The following CCDC171 variants were observed in gnomAD, a reference collection of about 807,000 sequenced individuals.
CCDC171 encodes coiled-coil domain-containing protein 171.
Under a neutral mutation model 168.2 loss-of-function variants are expected in CCDC171, and 177 were observed. The observed-to-expected ratio is 1.05, with a 90% CI of 0.93 to 1.19. The LOEUF is 1.19. Ranked by LOEUF, CCDC171 falls within the 50% of genes most tolerant of loss-of-function variation. CCDC171 has a pLI of 0.00. For synonymous variants in CCDC171, 687 were observed against 540.8 expected (o/e 1.27, Z -3.75); for missense variants, 1,991 against 1,539.0 (o/e 1.29, Z -4.91).
chr9:16,034,556 T>C (rs78070636), intron 6 of CCDC171, among the ~76,000 whole-genome samples: 107 of 152,274 alleles, frequency 7.0e-4, no homozygotes, highest in African/African-American at 2.4e-3. Context: ...AGGTCATTAC[T>C]GTAATTAGAT....
Position 15,838,671 on chromosome 9 carries a change from A to G in CCDC171, c.3268-8031A>G, listed in dbSNP as rs550572982. Among the ~76,000 whole-genome samples the G allele has an allele frequency of 1.2e-3, 181 of 152,308 alleles. No individual in the cohort carries two copies. The Middle Eastern group carries it at 0.017, about 14-fold the overall frequency. ...GGTCTTGAACTCCTGGCCTCAAGCAATCTGCCCACCTCAGCCGCCCAAAGT... is the reference window on the plus strand; with the variant it reads ...GGTCTTGAACTCCTGGCCTCAAGCAGTCTGCCCACCTCAGCCGCCCAAAGT... On this transcript the variant is annotated intron_variant, in intron 21 of 25. Transcript: ENST00000380701.
At chr9:15,806,782 G>A (rs979030143) in intron 21 of CCDC171, among the ~76,000 whole-genome samples, 8 of 152,180 alleles carry the variant, frequency 5.3e-5, no homozygotes, top group Admixed American at 1.3e-4. Context: ...TAGCAAGTTT[G>A]GGGACATTTT....
At chr9:16,101,072 G>A in the CCDC171 span, among the ~76,000 whole-genome samples, 12 of 152,292 alleles carry the variant, frequency 7.9e-5, no homozygotes, top group South Asian at 8.3e-4. Context: ...AGAGAAAGCC[G>A]GGCTGCAGAA....
chr9:15,734,050 C>T (rs1003099914), intron 16 of CCDC171, among the ~76,000 whole-genome samples: 1 of 152,158 alleles, frequency 6.6e-6, no homozygotes, highest in East Asian at 1.9e-4. Flanking sequence ...GTTGTGATTA[C>T]AAGCGTGAGC....
At chr9:15,997,747 G>A (rs941812651) in intron 3 of CCDC171, among the ~76,000 whole-genome samples, 5 of 152,122 alleles carry the variant, frequency 3.3e-5, no homozygotes, top group African/African-American at 1.2e-4. Context: ...CATTTCTGAG[G>A]GATTTGCGTC....
upstream of CCDC171, among the ~76,000 whole-genome samples, chr9:16,038,925 T>C (rs535537736): frequency 2.2e-4 from 32 of 145,680 alleles, 1 homozygote; most frequent in South Asian, 6.5e-3. Flanking sequence ...AAGGGCGAAA[T>C]TTATGATTAC....
At chr9:16,018,229 A>G (rs1833079223) in intron 3 of CCDC171, among the ~76,000 whole-genome samples, 1 of 152,176 alleles carries the variant, frequency 6.6e-6, no homozygotes, top group South Asian at 2.1e-4. Flanking sequence ...CTAACTTGTA[A>G]AAGAAGCTAC....
chr9:16,048,975 TAATCCCAAATGTTGA>T (rs142107087), intron 1 of CCDC171, among the ~76,000 whole-genome samples: 3,154 of 147,252 alleles, frequency 0.021, 110 homozygotes, highest in African/African-American at 0.072. Flanking sequence ...CCAAACACCA[TAATCCCAAATGTTGA>T]AATCCCAAAA....
At chr9:15,978,367 C>T (rs923893129), downstream of CCDC171, among the ~76,000 whole-genome samples, 3 of 152,094 alleles carry the variant, frequency 2.0e-5, no homozygotes, top group Admixed American at 1.3e-4. Context: ...GTTCATGGGT[C>T]CAAGAGGGCA....
chr9:16,107,146 C>T, the CCDC171 span, among the ~76,000 whole-genome samples: 2 of 152,084 alleles, frequency 1.3e-5, no homozygotes, highest in Non-Finnish European at 2.9e-5. Flanking sequence ...CCTAATCACC[C>T]TCATATATGA....
chr9:15,600,773 G>A (rs1052676699), intron 6 of CCDC171, among the ~76,000 whole-genome samples: 2 of 152,214 alleles, frequency 1.3e-5, no homozygotes. Context: ...TTGAGCTGCG[G>A]TGGGCTCCAC....
At chr9:15,583,625 G>C (rs996633405) in intron 4 of CCDC171, among the ~76,000 whole-genome samples, 1 of 152,044 alleles carries the variant, frequency 6.6e-6, no homozygotes, top group Non-Finnish European at 1.5e-5. Flanking sequence ...TGGGGACTCT[G>C]TGGAAAGGAC....
chr9:15,600,596 A>C (rs937352737), intron 6 of CCDC171, among the ~76,000 whole-genome samples: 5 of 152,108 alleles, frequency 3.3e-5, no homozygotes, highest in African/African-American at 1.2e-4. Context: ...GACCCACTTG[A>C]GGATGCAGTC....
intron 24 of CCDC171, among the ~76,000 whole-genome samples, chr9:15,891,371 T>C (rs993993278): frequency 3.9e-5 from 6 of 152,114 alleles, no homozygotes; most frequent in African/African-American, 1.4e-4. Context: ...AGCTTTTCTT[T>C]TTGCACTAAC....
chr9:15,803,765 G>A (rs1200531215), intron 21 of CCDC171, among the ~76,000 whole-genome samples: 2 of 151,450 alleles, frequency 1.3e-5, no homozygotes, highest in Admixed American at 1.3e-4. Context: ...TTTTGGTTCT[G>A]TATGAATTTT....
intron 11 of CCDC171, among the ~76,000 whole-genome samples, chr9:15,707,125 C>T (rs960097291): frequency 2.0e-5 from 3 of 152,114 alleles, no homozygotes; most frequent in Non-Finnish European, 4.4e-5. Flanking sequence ...AGCAGTACAC[C>T]GTTTCCTCTG....
intron 6 of CCDC171, among the ~76,000 whole-genome samples, chr9:15,595,905 T>C (rs1336639481): frequency 6.6e-6 from 1 of 152,226 alleles, no homozygotes; most frequent in Non-Finnish European, 1.5e-5. Flanking sequence ...CCAGTGATGA[T>C]GAGCATTTTT....
chr9:16,062,138 C>T (rs1039329103), downstream of CCDC171, among the ~76,000 whole-genome samples: 5 of 152,110 alleles, frequency 3.3e-5, no homozygotes, highest in Non-Finnish European at 5.9e-5. Context: ...TACACTGTCT[C>T]CTTGTATCAC....
downstream of CCDC171, among the ~76,000 whole-genome samples, chr9:15,977,254 A>T (rs12005526): frequency 6.6e-6 from 1 of 152,074 alleles, no homozygotes; most frequent in African/African-American, 2.4e-5. Flanking sequence ...TTTTTTAGTT[A>T]TTGTTTTAAA....
Sources: allele counts gnomAD v4.1 joint callset (sites outside exome capture counted in the v4.1 genomes callset), GRCh38; gene constraint gnomAD v4.1.1; transcripts MANE v1.5; gene names NCBI Gene and HGNC (gene_info 2026-07-23, HGNC 2026-07-21).